KCNU1: variants seen among roughly 807,000 people sequenced by gnomAD.
The protein encoded by KCNU1 is potassium channel subfamily U member 1.
In KCNU1, 93 loss-of-function variants were observed where a neutral mutation model predicts 126.8. The ratio of observed to expected loss-of-function variants is 0.73; its 90% CI spans 0.62 to 0.87. The LOEUF (loss-of-function observed/expected upper bound fraction) is 0.87, where lower values mean the gene tolerates loss of function less well. Among genes scored for constraint, KCNU1 ranks in the 40% least tolerant of loss-of-function variants. The probability of loss-of-function intolerance (pLI) is 0.00; values close to 1 mark genes in which losing one functional copy is unlikely to be tolerated. For missense variants in KCNU1, 1,330 were observed against 1,367.1 expected, an observed-to-expected ratio of 0.97 and a Z score of 0.43; for synonymous variants, 523 against 494.2, an observed-to-expected ratio of 1.06 and a Z score of -0.77.
chr8:36,888,907 C>T lies in KCNU1; in HGVS notation c.2010-16801C>T, dbSNP rs538501369. The T allele has an allele frequency of 7.4e-5, 30 of 407,916 alleles. 1 individual carries two copies. The highest frequency in any genetic ancestry group is 5.9e-4 in the South Asian group (30 of 50,840). 25.3% of individuals were successfully genotyped at this position (407,916 alleles called of 1,614,324 possible). On this transcript the variant is annotated intron_variant, in intron 19 of 26. Transcript: ENST00000399881. ...TTTTTTTTTCTTTTTGAGATAGGGT[C>T]TCGCTCTGTCACCCAGGCTGGAGTG...
At chr8:36,835,215 A>G (rs755787186) in intron 12 of KCNU1, among the ~76,000 whole-genome samples, 29 of 152,172 alleles carry the variant, frequency 1.9e-4, no homozygotes, top group Non-Finnish European at 4.0e-4. Flanking sequence ...TGAAGATGCA[A>G]TTTTATGAAC....
chr8:36,881,098 C>T (rs187624692), intron 19 of KCNU1, among the ~76,000 whole-genome samples: 2 of 152,306 alleles, frequency 1.3e-5, no homozygotes, highest in African/African-American at 4.8e-5. Context: ...GCAATGTGCC[C>T]TTAGGGGTCA....
chr8:36,837,178 G>A (rs963336494), intron 14 of KCNU1, among the ~76,000 whole-genome samples: 16 of 151,854 alleles, frequency 1.1e-4, no homozygotes, highest in African/African-American at 3.9e-4. Context: ...CTACAAAACA[G>A]AAAAAATATA....
At chr8:36,884,195 G>C (rs371905843) in intron 19 of KCNU1, among the ~76,000 whole-genome samples, 2 of 152,282 alleles carry the variant, frequency 1.3e-5, no homozygotes, top group African/African-American at 4.8e-5. Context: ...ATTAGGTTTT[G>C]CTGGGAACTT....
rs1804937564 is a variant in KCNU1, at chr8:36,841,045, TTTTTTTTTTTTC to T, written c.1703+43_1703+54del. 3 of 1,290,000 alleles carry T rather than the reference TTTTTTTTTTTTC, an allele frequency of 2.3e-6. No homozygotes were observed. The East Asian group carries it at 7.1e-5, about 31-fold the overall frequency. 79.9% of individuals were successfully genotyped at this position (1,290,000 alleles called of 1,614,324 possible). On this transcript the variant is annotated intron_variant, in intron 16 of 26. Transcript: ENST00000399881. ...TCATCTCTTCAGTTGTTTTTTTTTTTTTTTTTTTTTTCCTGGAGATTCTTTGTGATTAAGAAT... is the reference window on the plus strand; with the variant it reads ...TCATCTCTTCAGTTGTTTTTTTTTTTCTGGAGATTCTTTGTGATTAAGAAT...
chr8:36,796,165 T>C (rs1803090025), intron 2 of KCNU1, among the ~76,000 whole-genome samples: 1 of 152,238 alleles, frequency 6.6e-6, no homozygotes, highest in South Asian at 2.1e-4. Context: ...AGAGAAATGT[T>C]GTATGCTTTC....
chr8:36,924,251 G>T (rs905226980), intron 24 of KCNU1, among the ~76,000 whole-genome samples: 2 of 152,210 alleles, frequency 1.3e-5, no homozygotes, highest in Admixed American at 6.5e-5. Flanking sequence ...CAAAATGGCT[G>T]GATGTCAATA....
chr8:36,922,354 G>T, intron 23 of KCNU1, 136 bp from the exon 24 acceptor site: 2 of 819,874 alleles, frequency 2.4e-6, no homozygotes, highest in South Asian at 2.0e-5. Flanking sequence ...ACTGAAAAAG[G>T]GGTTGATCCC....
intron 25 of KCNU1, among the ~76,000 whole-genome samples, chr8:36,931,498 T>G (rs1219313758): frequency 2.0e-5 from 3 of 152,144 alleles, no homozygotes; most frequent in Non-Finnish European, 4.4e-5. Flanking sequence ...GTTTATTGAG[T>G]ATTTTCTCTG....
intron 19 of KCNU1, among the ~76,000 whole-genome samples, chr8:36,884,069 G>A (rs1303787391): frequency 6.6e-6 from 1 of 152,150 alleles, no homozygotes; most frequent in Non-Finnish European, 1.5e-5. Flanking sequence ...GCTAATTACT[G>A]TTACCCACCT....
chr8:36,922,406 G>C (rs891759084), intron 23 of KCNU1, 84 bp from the exon 24 acceptor site: 3 of 1,397,282 alleles, frequency 2.1e-6, no homozygotes, highest in Non-Finnish European at 2.9e-6. Flanking sequence ...TGATCAAGTG[G>C]TCGCCCCTTG....
chr8:36,797,307 T>A (rs539757496), intron 2 of KCNU1, among the ~76,000 whole-genome samples: 55 of 152,294 alleles, frequency 3.6e-4, no homozygotes, highest in African/African-American at 1.3e-3. Flanking sequence ...ATTTCTACTT[T>A]TTTTTTTATT....
chr8:36,905,648 G>A (rs1404416365), intron 19 of KCNU1, 60 bp from the exon 20 acceptor site: 8 of 901,048 alleles, frequency 8.9e-6, no homozygotes, highest in South Asian at 2.6e-5. Context: ...TTTACATCTC[G>A]GCTTTGTTAC....
rs1256708957 is a variant in KCNU1, at chr8:36,836,834, A to C, written c.1407A>C (p.Gly469=). 6.2e-7 allele frequency: 1 copy of C among 1,613,690 alleles called. No individual in the cohort carries two copies. The highest frequency in any genetic ancestry group is 8.5e-7 in the Non-Finnish European group (1 of 1,179,796). The part of the protein sequence containing the change: ...PKIPSWNWDT[G]DNIICFAELK... The stretch of plus-strand genomic sequence containing the variant: ...TTCCCAGCTGGAACTGGGACACCGG[A>C]GACAACATCATCTGCTTTGCTGAAT... The change falls in exon 14 of 27, where the codon GGA becomes GGC. Residue 469 remains glycine (G), a synonymous_variant. Coordinates refer to ENST00000399881, the MANE Select transcript of KCNU1 (RefSeq NM_001031836.3).
chr8:36,930,522 G>T (rs924840271), intron 24 of KCNU1, among the ~76,000 whole-genome samples: 1 of 152,126 alleles, frequency 6.6e-6, no homozygotes, highest in Non-Finnish European at 1.5e-5. Flanking sequence ...CTCAAGTATA[G>T]ATGACAATAA....
intron 22 of KCNU1, among the ~76,000 whole-genome samples, chr8:36,912,551 T>A (rs1026687151): frequency 6.6e-6 from 1 of 152,170 alleles, no homozygotes; most frequent in Admixed American, 6.5e-5. Flanking sequence ...TGTTCTGCCA[T>A]AGGAATCCTT....
intron 26 of KCNU1, 43 bp downstream of exon 26, chr8:36,933,075 A>C (rs1188872914): frequency 8.4e-7 from 1 of 1,187,826 alleles, no homozygotes; most frequent in Non-Finnish European, 1.2e-6. Flanking sequence ...CCATTCAAGC[A>C]TAAGAACCAA....
At chr8:36,883,933 A>G (rs969434147) in intron 19 of KCNU1, among the ~76,000 whole-genome samples, 5 of 152,268 alleles carry the variant, frequency 3.3e-5, no homozygotes, top group Non-Finnish European at 7.3e-5. Context: ...ACTCACTAAA[A>G]CCATTAATTC....
At chr8:36,888,990 T>C in intron 19 of KCNU1, 1 of 401,478 alleles carries the variant, frequency 2.5e-6, no homozygotes, top group Non-Finnish European at 5.1e-6. Context: ...GTGATTCTCC[T>C]GCCTCAGTCT....
Sources: allele counts gnomAD v4.1 joint callset (sites outside exome capture counted in the v4.1 genomes callset), GRCh38; gene constraint gnomAD v4.1.1; transcripts MANE v1.5; gene names NCBI Gene and HGNC (gene_info 2026-07-23, HGNC 2026-07-21).